PALM2AKAP2: variants seen among roughly 807,000 people sequenced by gnomAD.
PALM2AKAP2 encodes PALM2-AKAP2 fusion protein.
In PALM2AKAP2, 37 loss-of-function variants were observed where a neutral mutation model predicts 71.5. That is an observed-to-expected ratio of 0.52 (90% confidence interval 0.40 to 0.68). PALM2AKAP2 has a LOEUF of 0.68. Ranked by LOEUF, PALM2AKAP2 falls within the 30% of genes least tolerant of loss-of-function variation. The pLI, the probability that PALM2AKAP2 is intolerant of heterozygous loss-of-function variation, is 0.00. For synonymous variants in PALM2AKAP2, 468 were observed against 478.8 expected, an observed-to-expected ratio of 0.98 and a Z score of 0.29; for missense variants, 1,224 against 1,191.8, an observed-to-expected ratio of 1.03 and a Z score of -0.40.
chr9:109,760,490 C>G (rs967711761), intron 1 of PALM2AKAP2: 2 of 152,186 alleles, frequency 1.3e-5, no homozygotes, highest in African/African-American at 4.8e-5. Flanking sequence ...GATGAGGACG[C>G]TGAGGTTCAA....
intron 5 of PALM2AKAP2, among the ~76,000 whole-genome samples, chr9:109,926,997 A>G (rs1002999654): frequency 6.6e-6 from 1 of 152,172 alleles, no homozygotes; most frequent in Admixed American, 6.5e-5. Context: ...GCCTGCAGGG[A>G]AAGTTGCCCA....
At chr9:109,965,245 A>G (rs953578230) in intron 6 of PALM2AKAP2, among the ~76,000 whole-genome samples, 3 of 152,236 alleles carry the variant, frequency 2.0e-5, no homozygotes, top group African/African-American at 7.2e-5. Flanking sequence ...CTCATGCACA[A>G]AAGAATTGAG....
At chr9:109,670,963 G>T (rs1827563747) in intron 1 of PALM2AKAP2, among the ~76,000 whole-genome samples, 1 of 152,070 alleles carries the variant, frequency 6.6e-6, no homozygotes, top group Non-Finnish European at 1.5e-5. Flanking sequence ...TCTTAATGGG[G>T]TTGTTTGGTT....
intron 3 of PALM2AKAP2, among the ~76,000 whole-genome samples, chr9:109,913,600 T>C (rs1380575987): frequency 1.3e-5 from 2 of 152,112 alleles, no homozygotes; most frequent in Non-Finnish European, 2.9e-5. Context: ...GACTCTAAGC[T>C]CTGATTAGCT....
chr9:109,987,342 G>A (rs967696961), intron 6 of PALM2AKAP2, among the ~76,000 whole-genome samples: 6 of 151,976 alleles, frequency 3.9e-5, no homozygotes, highest in African/African-American at 1.2e-4. Context: ...TATTGGCCAG[G>A]CTGGTCTCGA....
At chr9:110,170,146 G>A (rs777827592) in exon 4 of PALM2AKAP2, 19 of 152,196 alleles carry the variant, frequency 1.2e-4, no homozygotes, top group Non-Finnish European at 2.1e-4. Flanking sequence ...TATGATAAGG[G>A]TATTCAATAA....
intron 1 of PALM2AKAP2, among the ~76,000 whole-genome samples, chr9:109,840,346 A>G (rs998181109): frequency 2.0e-5 from 3 of 152,204 alleles, no homozygotes; most frequent in African/African-American, 7.2e-5. Flanking sequence ...CCTTCCTTAC[A>G]CCTTATACAA....
chr9:110,155,993 A>G (rs1836445158), intron 2 of PALM2AKAP2, among the ~76,000 whole-genome samples: 1 of 152,168 alleles, frequency 6.6e-6, no homozygotes, highest in Non-Finnish European at 1.5e-5. Flanking sequence ...TGACAGTCTA[A>G]TTCTGTGATC....
chr9:109,933,466 G>A (rs1211552625), intron 6 of PALM2AKAP2, among the ~76,000 whole-genome samples: 1 of 152,174 alleles, frequency 6.6e-6, no homozygotes, highest in Non-Finnish European at 1.5e-5. Flanking sequence ...TCCAACATAT[G>A]GATCAGCTTA....
At chr9:109,644,056 G>A (rs1001676278) in intron 1 of PALM2AKAP2, among the ~76,000 whole-genome samples, 20 of 152,012 alleles carry the variant, frequency 1.3e-4, no homozygotes, top group African/African-American at 4.8e-4. Context: ...TCACTATTGC[G>A]AGTGAACACC....
At position 109,661,914 on chromosome 9, in the gene PALM2AKAP2, T is replaced by C. The variant is rs1587857949; in HGVS notation, c.5+21048T>C. 2.6e-5 allele frequency among the ~76,000 whole-genome samples: 4 copies of C among 152,334 alleles called. No homozygotes were observed. The South Asian group carries it at 8.3e-4, about 32-fold the overall frequency. Reference sequence around the variant, plus strand: ...GTAAGTTGGATTCCTAGGTATTTTATTCTCTTTGAAGCAATTGTGAATGGG... The same window carrying C: ...GTAAGTTGGATTCCTAGGTATTTTACTCTCTTTGAAGCAATTGTGAATGGG... On this transcript the variant is annotated intron_variant, in intron 1 of 6. Transcript: ENST00000374531.
chr9:109,830,671 G>C lies in PALM2AKAP2; in HGVS notation c.46-36820G>C, dbSNP rs561710794. Among the ~76,000 whole-genome samples, 4 of 152,338 alleles carry C rather than the reference G, an allele frequency of 2.6e-5. No individual in the cohort carries two copies. In the East Asian group the frequency reaches 7.7e-4, roughly 29 times the overall value. On this transcript the variant is annotated intron_variant, in intron 1 of 9. Coordinates refer to the PALM2AKAP2 transcript ENST00000302798. Reference sequence around the variant, plus strand: ...TTTCTAAGCCTGGCTTGGGATAACAGAATGAATGGCCTTGGGGGAGAGGGA... The same window carrying C: ...TTTCTAAGCCTGGCTTGGGATAACACAATGAATGGCCTTGGGGGAGAGGGA...
At chr9:109,825,403 A>C (rs1828119886) in intron 1 of PALM2AKAP2, among the ~76,000 whole-genome samples, 1 of 152,256 alleles carries the variant, frequency 6.6e-6, no homozygotes, top group African/African-American at 2.4e-5. Flanking sequence ...CAGCAAAAGA[A>C]ACTACTATCA....
upstream of PALM2AKAP2, chr9:110,048,579 C>G: frequency 2.0e-6 from 2 of 1,008,306 alleles, no homozygotes; most frequent in Non-Finnish European, 2.7e-6. Context: ...GAGGGAGGGG[C>G]GGTCCGTGGG....
rs62580234 is a variant in PALM2AKAP2 at position 110,055,356 on chromosome 9, C to T, written c.156+6501C>T. 6.5e-3 allele frequency among the ~76,000 whole-genome samples: 994 copies of T among 152,006 alleles called. 13 individuals carry two copies. Among genetic ancestry groups the T allele is most frequent in the South Asian group, 0.047 (224 of 4,812 alleles). ...GATTACAGGCGTGTGCCACTGTGCC[C>T]GGCTAATTTTTGTATTTTTAGTAGA... On this transcript the variant is annotated intron_variant, in intron 1 of 3. Coordinates refer to ENST00000374525, the Ensembl canonical transcript of PALM2AKAP2.
chr9:109,947,316 T>A lies in PALM2AKAP2; in HGVS notation c.496+15288T>A, dbSNP rs552170298. On this transcript the variant is annotated intron_variant, in intron 6 of 9. Transcript: ENST00000302798. The stretch of plus-strand genomic sequence containing the variant: ...ATATTTTGTTTTGGTTAAAGTCAAG[T>A]TTTTATAAAAGGAGGGGAAGTATAA... Among the ~76,000 whole-genome samples, 57 of 152,368 alleles carry A rather than the reference T, an allele frequency of 3.7e-4. No homozygotes were observed. In the Middle Eastern group the frequency reaches 0.014, roughly 36 times the overall value.
chr9:110,136,682 G>T (rs755464316), exon 2 of PALM2AKAP2: 11 of 1,614,046 alleles, frequency 6.8e-6, no homozygotes, highest in Admixed American at 3.3e-5. Flanking sequence ...CAGCCTGCAG[G>T]TGCCTGTCAG....
intron 1 of PALM2AKAP2, among the ~76,000 whole-genome samples, chr9:109,843,100 A>G (rs1023226684): frequency 1.5e-5 from 2 of 137,554 alleles, no homozygotes; most frequent in African/African-American, 2.8e-5. Context: ...AGATCGCGCC[A>G]TTGCACTCCA....
intron 7 of PALM2AKAP2, among the ~76,000 whole-genome samples, chr9:110,024,567 A>G (rs192978598): frequency 2.6e-5 from 4 of 152,292 alleles, no homozygotes; most frequent in Non-Finnish European, 5.9e-5. Flanking sequence ...GTAGATCACT[A>G]GAGCCCAGGA....
Sources: gnomAD v4.1 joint callset for allele counts (sites outside exome capture counted in the v4.1 genomes callset) on GRCh38, gnomAD v4.1.1 for gene constraint, MANE v1.5 for transcripts, NCBI Gene and HGNC (gene_info 2026-07-23, HGNC 2026-07-21) for gene names.